Variants in SLC24A3 observed in about 807,000 individuals in gnomAD.
SLC24A3 encodes the protein sodium/potassium/calcium exchanger 3.
SLC24A3 carries 28 observed loss-of-function variants against 75.8 expected under a neutral mutation model. The observed-to-expected ratio is 0.37, with a 90% confidence interval of 0.27 to 0.51. The LOEUF is 0.51. Among genes scored for constraint, SLC24A3 ranks in the 20% least tolerant of loss-of-function variants. The pLI, the probability that SLC24A3 is intolerant of heterozygous loss-of-function variation, is 0.94. For synonymous variants in SLC24A3, 372 were observed against 334.1 expected (o/e 1.11, Z -1.24); for missense variants, 663 against 847.8 (o/e 0.78, Z 2.71).
In SLC24A3 at chr20:19,698,672, G is replaced by A. The variant is rs143870319; in HGVS notation, c.1711G>A (p.Gly571Arg). The change falls in exon 15 of 17, where the codon GGA becomes AGA. Residue 571 changes from glycine (G) to arginine (R), a missense_variant. This residue lies in a region of SLC24A3 where 510 missense variants were observed against 703.6 expected (regional missense o/e 0.72). Coordinates refer to ENST00000328041, the MANE Select transcript of SLC24A3 (RefSeq NM_020689.4). ...WALQTLAVDYGSYIRLNSRGL... is the reference protein window; with the variant it reads ...WALQTLAVDYRSYIRLNSRGL... ...TCTGCAGACCCTGGCTGTGGATTACGGATCCTACGTAAGTGGTTTTCTCCA... is the reference window on the plus strand; with the variant it reads ...TCTGCAGACCCTGGCTGTGGATTACAGATCCTACGTAAGTGGTTTTCTCCA... The A allele has an allele frequency of 1.5e-5, 24 of 1,577,674 alleles. No homozygotes were observed. The highest frequency in any genetic ancestry group is 4.0e-5 in the African/African-American group (3 of 74,314).
chr20:19,378,413 T>C (rs1986124216), intron 2 of SLC24A3, among the ~76,000 whole-genome samples: 1 of 152,196 alleles, frequency 6.6e-6, no homozygotes. Context: ...TATAAATTAG[T>C]CCTGCATGGA....
intron 2 of SLC24A3, among the ~76,000 whole-genome samples, chr20:19,514,430 G>C (rs867477464): frequency 2.6e-5 from 4 of 152,216 alleles, no homozygotes; most frequent in African/African-American, 9.6e-5. Flanking sequence ...AAATGGTGGT[G>C]GTTTCTCTAA....
intron 15 of SLC24A3, among the ~76,000 whole-genome samples, chr20:19,712,412 C>A (rs554272254): frequency 6.6e-6 from 1 of 151,846 alleles, no homozygotes; most frequent in Non-Finnish European, 1.5e-5. Flanking sequence ...ACAAGCAGGA[C>A]GACATCAGCA....
At chr20:19,222,957 A>G (rs1981769591) in intron 1 of SLC24A3, among the ~76,000 whole-genome samples, 1 of 152,068 alleles carries the variant, frequency 6.6e-6, no homozygotes, top group Admixed American at 6.5e-5. Context: ...TTTTAATTGA[A>G]AAATTTTTTA....
rs530151742 is a variant in SLC24A3, at chr20:19,332,721, C to T, written c.271+51634C>T. On this transcript the variant is annotated intron_variant, in intron 2 of 16. Transcript: ENST00000328041. ...AGGGTATTTGGGGGTTCCCAGCGCTCCCTAAAATAGGAGAGGTGGCAAGAG... is the reference window on the plus strand; with the variant it reads ...AGGGTATTTGGGGGTTCCCAGCGCTTCCTAAAATAGGAGAGGTGGCAAGAG... Among the ~76,000 whole-genome samples, 7 of 152,254 alleles carry T rather than the reference C, an allele frequency of 4.6e-5. No individual in the cohort carries two copies. In the East Asian group the frequency reaches 1.4e-3, roughly 29 times the overall value.
intron 2 of SLC24A3, among the ~76,000 whole-genome samples, chr20:19,473,391 T>C (rs774769013): frequency 6.6e-6 from 1 of 152,250 alleles, no homozygotes; most frequent in Non-Finnish European, 1.5e-5. Context: ...TGCACCACAC[T>C]GCCTGCCCAG....
chr20:19,279,870 T>G (rs1983606829), intron 1 of SLC24A3, among the ~76,000 whole-genome samples: 1 of 152,216 alleles, frequency 6.6e-6, no homozygotes, highest in South Asian at 2.1e-4. Flanking sequence ...CTGTGCCAGC[T>G]GGCATTGAAG....
At chr20:19,505,611 G>T (rs892700658) in intron 2 of SLC24A3, among the ~76,000 whole-genome samples, 1 of 152,304 alleles carries the variant, frequency 6.6e-6, no homozygotes, top group South Asian at 2.1e-4. Context: ...ACCACCGTGA[G>T]CAACCAGAGC....
intron 2 of SLC24A3, among the ~76,000 whole-genome samples, chr20:19,324,863 C>A (rs1411075573): frequency 6.6e-6 from 1 of 152,108 alleles, no homozygotes; most frequent in Non-Finnish European, 1.5e-5. Flanking sequence ...CTTTTCTTTT[C>A]TTTTTTTCTC....
At chr20:19,465,551 T>C (rs1285531621) in intron 2 of SLC24A3, among the ~76,000 whole-genome samples, 2 of 152,190 alleles carry the variant, frequency 1.3e-5, no homozygotes, top group African/African-American at 4.8e-5. Flanking sequence ...TGTGCCATTA[T>C]ATTAGTGATT....
intron 15 of SLC24A3, among the ~76,000 whole-genome samples, chr20:19,708,027 G>A (rs1283134756): frequency 6.6e-6 from 1 of 152,126 alleles, no homozygotes; most frequent in Non-Finnish European, 1.5e-5. Context: ...GATGGGGGAA[G>A]AAACAAACAT....
At chr20:19,303,318 T>C (rs1285140159) in intron 2 of SLC24A3, among the ~76,000 whole-genome samples, 1 of 152,206 alleles carries the variant, frequency 6.6e-6, no homozygotes, top group Non-Finnish European at 1.5e-5. Flanking sequence ...CCTCCATCCA[T>C]GTTGCTGCAA....
chr20:19,271,480 C>T (rs1384494505), intron 1 of SLC24A3, among the ~76,000 whole-genome samples: 2 of 152,176 alleles, frequency 1.3e-5, no homozygotes, highest in African/African-American at 4.8e-5. Context: ...AGCAATCCCA[C>T]TACTTGGAAT....
intron 2 of SLC24A3, among the ~76,000 whole-genome samples, chr20:19,330,205 A>AGGGCT (rs1984967602): frequency 6.6e-6 from 1 of 152,180 alleles, no homozygotes; most frequent in East Asian, 1.9e-4. Flanking sequence ...TTCCCTGGGC[A>AGGGCT]GGGCTGGGCT....
At chr20:19,686,722 A>C (rs1435539264) in intron 12 of SLC24A3, among the ~76,000 whole-genome samples, 2 of 152,170 alleles carry the variant, frequency 1.3e-5, no homozygotes, top group African/African-American at 2.4e-5. Flanking sequence ...GTAAAACTTG[A>C]ACCAGAGATG....
intron 7 of SLC24A3, among the ~76,000 whole-genome samples, chr20:19,665,656 C>T (rs1481004238): frequency 6.6e-6 from 1 of 152,196 alleles, no homozygotes; most frequent in African/African-American, 2.4e-5. Flanking sequence ...CTACCAACAC[C>T]TCCTTCCACT....
intron 15 of SLC24A3, among the ~76,000 whole-genome samples, chr20:19,702,937 G>C (rs1015528578): frequency 6.6e-6 from 1 of 152,198 alleles, no homozygotes; most frequent in Non-Finnish European, 1.5e-5. Context: ...CCATGATTTG[G>C]TTAAAGCTGT....
At chr20:19,433,118 G>A (rs1387580650) in intron 2 of SLC24A3, among the ~76,000 whole-genome samples, 1 of 152,112 alleles carries the variant, frequency 6.6e-6, no homozygotes, top group African/African-American at 2.4e-5. Context: ...TCCTCACTCA[G>A]GATTTAATGG....
chr20:19,670,150 A>G (rs367965265), intron 8 of SLC24A3, among the ~76,000 whole-genome samples: 3 of 149,564 alleles, frequency 2.0e-5, no homozygotes, highest in African/African-American at 7.4e-5. Context: ...AGGGATGCAG[A>G]CCCTTCACAT....
Sources: gnomAD v4.1 joint callset for allele counts (sites outside exome capture counted in the v4.1 genomes callset) on GRCh38, gnomAD v4.1.1 for gene constraint, gnomAD v4.1.1 regional missense constraint, MANE v1.5 for transcripts, NCBI Gene and HGNC (gene_info 2026-07-23, HGNC 2026-07-21) for gene names.